Variants in NBAS observed in about 807,000 individuals in gnomAD.
NBAS encodes NAG/BC035112 fusion.
In NBAS, 219 loss-of-function variants were observed where a neutral mutation model predicts 302.5. The ratio of observed to expected loss-of-function variants is 0.72; its 90% CI spans 0.65 to 0.81. The LOEUF (loss-of-function observed/expected upper bound fraction) is 0.81. NBAS is among the 30% of genes least tolerant of loss of function. NBAS has a pLI of 0.00. For missense variants in NBAS, 2,932 were observed against 2,841.6 expected (o/e 1.03, Z -0.72); for synonymous variants, 1,118 against 1,021.6 (o/e 1.09, Z -1.80).
At chr2:15,433,874 T>A (rs6431700) in intron 21 of NBAS, among the ~76,000 whole-genome samples, 147,567 of 152,172 alleles carry the variant, frequency 0.97, 71,568 homozygotes, top group East Asian at 1. Context: ...AGAGAAGGGA[T>A]GATTACTTGA....
At chr2:15,140,444 A>C in the NBAS span, among the ~76,000 whole-genome samples, 4 of 152,218 alleles carry the variant, frequency 2.6e-5, no homozygotes, top group African/African-American at 9.6e-5. Flanking sequence ...CTGTGGTTCA[A>C]ATCCTAGTGT....
the NBAS span, among the ~76,000 whole-genome samples, chr2:14,854,820 G>A: frequency 6.6e-6 from 1 of 152,134 alleles, no homozygotes; most frequent in Non-Finnish European, 1.5e-5. Context: ...GTTTCTCCAA[G>A]TAAACTTGAA....
intron 6 of NBAS, among the ~76,000 whole-genome samples, chr2:15,539,929 G>A (rs1663719639): frequency 6.6e-6 from 1 of 151,890 alleles, no homozygotes; most frequent in Admixed American, 6.6e-5. Context: ...GAACTCATGA[G>A]TCAATCACAC....
chr2:14,833,056 T>G, the NBAS span, among the ~76,000 whole-genome samples: 1 of 152,228 alleles, frequency 6.6e-6, no homozygotes, highest in Non-Finnish European at 1.5e-5. Context: ...TTCTTTACCA[T>G]TCTGCCTCTT....
At chr2:14,974,315 T>A in the NBAS span, among the ~76,000 whole-genome samples, 1 of 152,328 alleles carries the variant, frequency 6.6e-6, no homozygotes, top group South Asian at 2.1e-4. Flanking sequence ...TTTACCGCTA[T>A]AAATATTCTT....
chr2:15,537,760 T>C (rs910769862), intron 7 of NBAS, among the ~76,000 whole-genome samples: 10 of 152,184 alleles, frequency 6.6e-5, no homozygotes, highest in African/African-American at 2.4e-4. Context: ...TTCTTTGAGC[T>C]TTCACGTCTT....
the NBAS span, among the ~76,000 whole-genome samples, chr2:14,790,421 A>G: frequency 6.6e-6 from 1 of 152,282 alleles, no homozygotes; most frequent in Admixed American, 6.5e-5. Flanking sequence ...TTCCTCTCAT[A>G]CCAGTGAAAT....
chr2:15,185,017 C>T (rs988063574), intron 50 of NBAS, among the ~76,000 whole-genome samples: 1 of 152,160 alleles, frequency 6.6e-6, no homozygotes, highest in Non-Finnish European at 1.5e-5. Flanking sequence ...CTGACAGTAA[C>T]ATTTATACAA....
the NBAS span, among the ~76,000 whole-genome samples, chr2:15,031,464 C>T: frequency 6.6e-6 from 1 of 152,138 alleles, no homozygotes; most frequent in East Asian, 1.9e-4. Context: ...CAATGAATGC[C>T]AACTAATCCC....
chr2:15,094,188 C>G, the NBAS span, among the ~76,000 whole-genome samples: 36 of 152,240 alleles, frequency 2.4e-4, no homozygotes, highest in African/African-American at 1.4e-4. Flanking sequence ...CTAGACCTCC[C>G]ATTCCAGTCC....
At position 15,184,349 on chromosome 2, in the gene NBAS, T is replaced by C. The variant is rs185170708; in HGVS notation, c.6711+2393A>G. On this transcript the variant is annotated intron_variant, in intron 50 of 51. Coordinates refer to ENST00000281513, the MANE Select transcript of NBAS (RefSeq NM_015909.4). ...ACATTAGATTTATTGGGCACTTTAT[T>C]TCTATTAGTATTACACTGTAATATC... Among the ~76,000 whole-genome samples the C allele has an allele frequency of 2.6e-5, 4 of 152,244 alleles. No homozygotes were observed. In the East Asian group the frequency reaches 7.7e-4, roughly 29 times the overall value.
the NBAS span, among the ~76,000 whole-genome samples, chr2:15,122,647 G>A: frequency 6.6e-6 from 1 of 152,090 alleles, no homozygotes; most frequent in African/African-American, 2.4e-5. Flanking sequence ...GAACCCAGAG[G>A]ACAAAGAAAG....
At position 15,371,531 on chromosome 2, in the gene NBAS, G is replaced by A. The variant is rs73914848; in HGVS notation, c.3703+3077C>T. Among the ~76,000 whole-genome samples the A allele has an allele frequency of 9.4e-3, 1,429 of 152,272 alleles. 29 individuals carry two copies. The highest frequency in any genetic ancestry group is 0.033 in the African/African-American group (1,357 of 41,536). ...AGATATAACTTACAGGACTGTGTCA[G>A]GAATATTTTATTATTATCCCAATCT... On this transcript the variant is annotated intron_variant, in intron 31 of 51. Coordinates refer to ENST00000281513, the MANE Select transcript of NBAS (RefSeq NM_015909.4).
At chr2:15,045,548 A>C in the NBAS span, among the ~76,000 whole-genome samples, 1 of 152,180 alleles carries the variant, frequency 6.6e-6, no homozygotes, top group Admixed American at 6.5e-5. Flanking sequence ...TGGTGTATAC[A>C]TATACATATA....
the NBAS span, among the ~76,000 whole-genome samples, chr2:14,950,727 T>C: frequency 6.6e-6 from 1 of 152,068 alleles, no homozygotes; most frequent in African/African-American, 2.4e-5. Context: ...TGAGGCTGGG[T>C]GGTGGACAGT....
intron 44 of NBAS, among the ~76,000 whole-genome samples, chr2:15,243,496 A>G (rs181995793): frequency 2.0e-5 from 3 of 152,194 alleles, no homozygotes; most frequent in Middle Eastern, 3.4e-3. Context: ...GAAAGCCTCT[A>G]CAAACCTTAG....
At chr2:14,865,697 G>A in the NBAS span, among the ~76,000 whole-genome samples, 1 of 152,162 alleles carries the variant, frequency 6.6e-6, no homozygotes, top group South Asian at 2.1e-4. Flanking sequence ...TTATAATTAT[G>A]TACTAGACTT....
chr2:14,901,923 C>G, the NBAS span, among the ~76,000 whole-genome samples: 1 of 152,178 alleles, frequency 6.6e-6, no homozygotes, highest in Admixed American at 6.5e-5. Flanking sequence ...CTGGGAACAG[C>G]AGTGACATGC....
intron 8 of NBAS, among the ~76,000 whole-genome samples, chr2:15,535,402 G>A (rs931902236): frequency 6.6e-6 from 1 of 151,968 alleles, no homozygotes; most frequent in Non-Finnish European, 1.5e-5. Context: ...GGCACCTGCA[G>A]TCTCAGCTAC....
Sources: allele counts gnomAD v4.1 joint callset (sites outside exome capture counted in the v4.1 genomes callset), GRCh38; gene constraint gnomAD v4.1.1; transcripts MANE v1.5; gene names NCBI Gene and HGNC (gene_info 2026-07-23, HGNC 2026-07-21).